MYO6: variants seen among roughly 807,000 people sequenced by gnomAD.
The protein encoded by MYO6 is unconventional myosin-VI.
In MYO6, 74 loss-of-function variants were observed where a neutral mutation model predicts 178.7. That is an observed-to-expected ratio of 0.41 (90% CI 0.34 to 0.50). The LOEUF (loss-of-function observed/expected upper bound fraction) is 0.50, where lower values mean the gene tolerates loss of function less well. Ranked by LOEUF, MYO6 falls within the 20% of genes least tolerant of loss-of-function variation. The pLI is 0.09. For missense variants in MYO6, 1,330 were observed against 1,547.4 expected, an observed-to-expected ratio of 0.86 and a Z score of 2.36; for synonymous variants, 477 against 504.6, an observed-to-expected ratio of 0.95 and a Z score of 0.73.
chr6:75,830,168 C>G (rs1413848613), intron 4 of MYO6, among the ~76,000 whole-genome samples: 2 of 152,012 alleles, frequency 1.3e-5, no homozygotes, highest in Non-Finnish European at 2.9e-5. Context: ...AAGAGATAAT[C>G]TTGAGTTTGG....
chr6:75,833,838 A>C (rs1773369169), intron 6 of MYO6, among the ~76,000 whole-genome samples: 1 of 152,228 alleles, frequency 6.6e-6, no homozygotes, highest in Admixed American at 6.5e-5. Context: ...GAGAATTTGA[A>C]AAGGTTGACT....
At chr6:75,909,609 A>G (rs1295346084) in intron 32 of MYO6, among the ~76,000 whole-genome samples, 1 of 152,226 alleles carries the variant, frequency 6.6e-6, no homozygotes, top group East Asian at 1.9e-4. Context: ...GAGCTTTAAC[A>G]TTAACTGAGA....
intron 25 of MYO6, among the ~76,000 whole-genome samples, chr6:75,887,920 A>G (rs956331760): frequency 3.3e-5 from 5 of 151,952 alleles, no homozygotes; most frequent in Admixed American, 6.6e-5. Context: ...CGGAGCTTGC[A>G]GTGAGCCGAG....
intron 1 of MYO6, among the ~76,000 whole-genome samples, chr6:75,808,628 C>G (rs1287012180): frequency 6.6e-6 from 1 of 152,144 alleles, no homozygotes; most frequent in East Asian, 1.9e-4. Flanking sequence ...GCAGAGACAG[C>G]TGGGGATTGT....
chr6:75,782,277 G>T (rs1486755610), intron 1 of MYO6, among the ~76,000 whole-genome samples: 1 of 152,020 alleles, frequency 6.6e-6, no homozygotes, highest in Non-Finnish European at 1.5e-5. Context: ...GTTTTATATT[G>T]TCATAGATTT....
At chr6:75,753,934 G>C (rs1378732705) in intron 1 of MYO6, among the ~76,000 whole-genome samples, 1 of 152,074 alleles carries the variant, frequency 6.6e-6, no homozygotes, top group Non-Finnish European at 1.5e-5. Flanking sequence ...TGACATAATG[G>C]TTTGAGAAAT....
chr6:75,760,962 A>C (rs1777892223), intron 1 of MYO6, among the ~76,000 whole-genome samples: 1 of 151,858 alleles, frequency 6.6e-6, no homozygotes, highest in South Asian at 2.1e-4. Context: ...TTTTTTTTCT[A>C]AAATTAGATG....
At chr6:75,771,402 G>A (rs1765885786) in intron 1 of MYO6, among the ~76,000 whole-genome samples, 1 of 152,096 alleles carries the variant, frequency 6.6e-6, no homozygotes, top group Non-Finnish European at 1.5e-5. Context: ...ATAAACAAAA[G>A]GAAAAGAGTG....
chr6:75,822,901 CTT>C, intron 3 of MYO6, 50 bp downstream of exon 3: 1 of 1,430,326 alleles, frequency 7.0e-7, no homozygotes, highest in Non-Finnish European at 9.9e-7. Flanking sequence ...GGAGACTGTT[CTT>C]TTAAAAAAAT....
chr6:75,823,269 C>G (rs776222443), intron 3 of MYO6, among the ~76,000 whole-genome samples: 14 of 152,238 alleles, frequency 9.2e-5, no homozygotes, highest in Non-Finnish European at 1.3e-4. Context: ...TAAAAAAATT[C>G]TATATAATTA....
intron 30 of MYO6, among the ~76,000 whole-genome samples, chr6:75,906,873 A>G (rs1212172941): frequency 1.3e-5 from 2 of 152,070 alleles, no homozygotes; most frequent in African/African-American, 2.4e-5. Flanking sequence ...AATCTCTGTT[A>G]TTTACCTCAT....
chr6:75,767,384 A>G (rs944803172), intron 1 of MYO6, among the ~76,000 whole-genome samples: 3 of 152,098 alleles, frequency 2.0e-5, no homozygotes, highest in Non-Finnish European at 2.9e-5. Flanking sequence ...AAGCTTTTAC[A>G]TTCTGAATAA....
intron 10 of MYO6, among the ~76,000 whole-genome samples, chr6:75,847,970 T>C (rs1028555415): frequency 6.6e-6 from 1 of 152,280 alleles, no homozygotes; most frequent in African/African-American, 2.4e-5. Context: ...ATTACCTCAT[T>C]TAAAAAAACT....
intron 9 of MYO6, among the ~76,000 whole-genome samples, chr6:75,842,203 C>CAT (rs35117862): frequency 1.0e-5 from 1 of 100,058 alleles, no homozygotes; most frequent in African/African-American, 4.2e-5. Flanking sequence ...CACACACATG[C>CAT]ACACACACAC....
In MYO6 at chr6:75,840,589, C is replaced by A. The variant is rs397517054; in HGVS notation, c.558C>A (p.Asn186Lys). The A allele has an allele frequency of 1.2e-6, 2 of 1,612,748 alleles. No homozygotes were observed. The highest frequency in any genetic ancestry group is 1.7e-6 in the Non-Finnish European group (2 of 1,178,898). The change falls in exon 8 of 35, where the codon AAC becomes AAA. Residue 186 changes from asparagine (N) to lysine (K), a missense_variant. Physicochemically the swap from Asn to Lys is moderately conservative, Grantham distance 94. Coordinates refer to ENST00000369977, the MANE Select transcript of MYO6 (RefSeq NM_004999.4). ...GATTTTTTTGTTTCTCAATAGCTAA[C>A]CCACTCCTAGAAGCCTTTGGAAATG... ...QDIDDRIVEANPLLEAFGNAK... is the reference protein window; with the variant it reads ...QDIDDRIVEAKPLLEAFGNAK...
At chr6:75,841,830 A>C (rs1370117027) in intron 9 of MYO6, among the ~76,000 whole-genome samples, 1 of 152,216 alleles carries the variant, frequency 6.6e-6, no homozygotes, top group Non-Finnish European at 1.5e-5. Flanking sequence ...TAGAATGACC[A>C]CTGTACTGAG....
chr6:75,838,889 T>C (rs1022696002), intron 7 of MYO6, among the ~76,000 whole-genome samples: 1 of 151,934 alleles, frequency 6.6e-6, no homozygotes, highest in African/African-American at 2.4e-5. Context: ...CTCAAACTCC[T>C]GACCCCATGA....
At chr6:75,911,190 T>C (rs926631416) in intron 32 of MYO6, among the ~76,000 whole-genome samples, 2 of 151,888 alleles carry the variant, frequency 1.3e-5, no homozygotes, top group African/African-American at 4.8e-5. Flanking sequence ...TTATAGTTTA[T>C]AAAATAAAAA....
intron 25 of MYO6, among the ~76,000 whole-genome samples, chr6:75,887,699 C>A (rs1778562407): frequency 6.7e-6 from 1 of 148,732 alleles, no homozygotes; most frequent in Non-Finnish European, 1.5e-5. Flanking sequence ...AATGGCCGGG[C>A]ACGGTGGGTC....
Sources: gnomAD v4.1 joint callset for allele counts (sites outside exome capture counted in the v4.1 genomes callset) on GRCh38, gnomAD v4.1.1 for gene constraint, MANE v1.5 for transcripts, NCBI Gene and HGNC (gene_info 2026-07-23, HGNC 2026-07-21) for gene names.